The following EZH2 variants were observed in gnomAD, a reference collection of about 807,000 sequenced individuals.
EZH2 encodes the protein enhancer of zeste 2 polycomb repressive complex 2 subunit.
A neutral mutation model predicts 98.4 loss-of-function variants in EZH2; 18 were observed. The observed-to-expected ratio is 0.18, with a 90% confidence interval of 0.13 to 0.27. EZH2 has a LOEUF of 0.27. EZH2 is among the 10% of genes least tolerant of loss of function. The pLI, the probability that EZH2 is intolerant of heterozygous loss-of-function variation, is 1.00. For synonymous variants in EZH2, 338 were observed against 312.3 expected, an observed-to-expected ratio of 1.08 and a Z score of -0.87; for missense variants, 470 against 935.1, an observed-to-expected ratio of 0.50 and a Z score of 6.49.
At chr7:148,862,994 G>A (rs961617182) in intron 1 of EZH2, among the ~76,000 whole-genome samples, 1 of 149,178 alleles carries the variant, frequency 6.7e-6, no homozygotes, top group Non-Finnish European at 1.5e-5. Flanking sequence ...TGAGACACAA[G>A]AATCACTTGA....
At chr7:148,832,583 T>C (rs1487596996) in intron 4 of EZH2, 51 bp downstream of exon 4, 3 of 979,298 alleles carry the variant, frequency 3.1e-6, no homozygotes, top group African/African-American at 1.6e-5. Context: ...TATGCTTTTT[T>C]ACTTCAAATA....
chr7:148,846,873 T>A (rs1167301840), intron 2 of EZH2, among the ~76,000 whole-genome samples: 1 of 146,790 alleles, frequency 6.8e-6, no homozygotes, highest in Non-Finnish European at 1.5e-5. Context: ...TGTGTGTGTG[T>A]GTGTGTGTGT....
rs1802404809 is a variant in EZH2, at chr7:148,809,305, C to G, written c.2110+5G>C. The G allele has an allele frequency of 6.2e-7, 1 of 1,600,254 alleles. No individual in the cohort carries two copies. Among genetic ancestry groups the G allele is most frequent in the Non-Finnish European group, 8.6e-7 (1 of 1,168,068 alleles). ...AGTTCCAATTCTCACGTCAAAGGTA[C>G]CTACCTTTTGCATAGCAGTTTGGAT... On this transcript the variant is annotated splice_donor_5th_base_variant and intron_variant, in intron 18 of 19. Transcript: ENST00000320356.
Position 148,809,225 on chromosome 7 carries a change from TAACA to T in EZH2, c.2111-74_2111-71del, listed in dbSNP as rs1158255082. On this transcript the variant is annotated intron_variant, in intron 18 of 19. Coordinates refer to ENST00000320356, the MANE Select transcript of EZH2 (RefSeq NM_004456.5). Reference sequence around the variant, plus strand: ...CGGGGGGTTAACTGACTTGTTCACATAACAAACAACTATCCCAGAAGTATTCAAG... The same window carrying T: ...CGGGGGGTTAACTGACTTGTTCACATAACAACTATCCCAGAAGTATTCAAG... 7 of 1,586,628 alleles carry T rather than the reference TAACA, an allele frequency of 4.4e-6. No individual in the cohort carries two copies. The East Asian group carries it at 1.1e-4, about 25-fold the overall frequency.
At chr7:148,840,861 A>G (rs1183430987) in intron 3 of EZH2, among the ~76,000 whole-genome samples, 1 of 152,176 alleles carries the variant, frequency 6.6e-6, no homozygotes, top group Non-Finnish European at 1.5e-5. Flanking sequence ...AATTTCTAAC[A>G]TTCCAGATTA....
chr7:148,815,077 G>T, intron 13 of EZH2, 38 bp from the exon 14 acceptor site: 1 of 1,605,030 alleles, frequency 6.2e-7, no homozygotes, highest in Non-Finnish European at 8.5e-7. Context: ...AATGAATCCA[G>T]GGAGATGGAA....
chr7:148,839,531 G>A (rs192342240), intron 3 of EZH2, among the ~76,000 whole-genome samples: 2 of 150,980 alleles, frequency 1.3e-5, no homozygotes, highest in Non-Finnish European at 2.9e-5. Context: ...TCAAAATGGG[G>A]GGGGGGCAAT....
intron 1 of EZH2, among the ~76,000 whole-genome samples, chr7:148,881,295 C>T (rs1820917438): frequency 6.6e-6 from 1 of 152,224 alleles, no homozygotes; most frequent in African/African-American, 2.4e-5. Context: ...TCCTTGAGCA[C>T]ACTACCTCAA....
At chr7:148,876,712 G>T (rs1461647834) in intron 1 of EZH2, among the ~76,000 whole-genome samples, 2 of 152,196 alleles carry the variant, frequency 1.3e-5, no homozygotes, top group Non-Finnish European at 2.9e-5. Flanking sequence ...GGTACAGCTG[G>T]ATGGCTTAGA....
chr7:148,863,101 A>AAAGG (rs1817944446), intron 1 of EZH2, among the ~76,000 whole-genome samples: 1 of 148,108 alleles, frequency 6.8e-6, no homozygotes, highest in Admixed American at 6.7e-5. Flanking sequence ...AAAAAAAAAG[A>AAAGG]AAGAAAGAAA....
chr7:148,834,792 A>G (rs1363806104), intron 3 of EZH2, among the ~76,000 whole-genome samples: 1 of 152,128 alleles, frequency 6.6e-6, no homozygotes, highest in Admixed American at 6.5e-5. Context: ...CCATCCAATA[A>G]TCCAATAAAA....
At chr7:148,863,094 A>AG (rs1817938237) in intron 1 of EZH2, among the ~76,000 whole-genome samples, 2 of 149,564 alleles carry the variant, frequency 1.3e-5, no homozygotes, top group African/African-American at 2.5e-5. Context: ...AAAAAAAAAA[A>AG]AAAAAGAAAG....
intron 3 of EZH2, among the ~76,000 whole-genome samples, chr7:148,839,690 G>C (rs554433360): frequency 2.0e-5 from 3 of 151,680 alleles, no homozygotes; most frequent in Non-Finnish European, 2.9e-5. Flanking sequence ...GACTACAGGC[G>C]CACACCACCA....
chr7:148,814,658 A>G (rs1804067086), intron 14 of EZH2, among the ~76,000 whole-genome samples: 1 of 152,178 alleles, frequency 6.6e-6, no homozygotes, highest in Admixed American at 6.5e-5. Context: ...TTAAATGATC[A>G]AAGAAGAAAA....
At chr7:148,834,565 T>C (rs1810377056) in intron 3 of EZH2, among the ~76,000 whole-genome samples, 1 of 152,098 alleles carries the variant, frequency 6.6e-6, no homozygotes, top group Non-Finnish European at 1.5e-5. Context: ...ATTCCTTCCT[T>C]AGTGGAAGTA....
chr7:148,822,541 G>A (rs1295076350), intron 8 of EZH2, among the ~76,000 whole-genome samples: 4 of 151,080 alleles, frequency 2.6e-5, no homozygotes, highest in Non-Finnish European at 5.9e-5. Flanking sequence ...TTGCTTATGG[G>A]ACTTTTACCA....
At chr7:148,836,987 A>G (rs1562990800) in intron 3 of EZH2, 2 of 499,194 alleles carry the variant, frequency 4.0e-6, no homozygotes, top group Non-Finnish European at 7.9e-6. Flanking sequence ...TAGAGGGAAG[A>G]GCAGGTGAAT....
chr7:148,822,861 G>C (rs1022772203), intron 8 of EZH2, among the ~76,000 whole-genome samples: 4 of 151,982 alleles, frequency 2.6e-5, no homozygotes, highest in African/African-American at 9.7e-5. Context: ...AGAATCACTT[G>C]AATCCAGGAG....
chr7:148,871,958 G>A (rs906231431), intron 1 of EZH2, among the ~76,000 whole-genome samples: 4 of 152,080 alleles, frequency 2.6e-5, no homozygotes, highest in African/African-American at 9.7e-5. Flanking sequence ...GTTGTTCAAT[G>A]GGCAACCATA....
Sources: allele counts gnomAD v4.1 joint callset (sites outside exome capture counted in the v4.1 genomes callset), GRCh38; gene constraint gnomAD v4.1.1; transcripts MANE v1.5; gene names NCBI Gene and HGNC (gene_info 2026-07-23, HGNC 2026-07-21).